DGKH: variants seen among roughly 807,000 people sequenced by gnomAD.
The protein encoded by DGKH is diacylglycerol kinase eta.
DGKH carries 90 observed loss-of-function variants against 159.3 expected under a neutral mutation model. The observed-to-expected ratio is 0.57, with a 90% CI of 0.48 to 0.67. DGKH has a LOEUF of 0.67. Among genes scored for constraint, DGKH ranks in the 30% least tolerant of loss-of-function variants. The probability of loss-of-function intolerance (pLI) is 0.00; values close to 1 mark genes in which losing one functional copy is unlikely to be tolerated. For missense variants in DGKH, 1,181 were observed against 1,506.1 expected (o/e 0.78, Z 3.57); for synonymous variants, 536 against 553.8 (o/e 0.97, Z 0.45).
intron 1 of DGKH, among the ~76,000 whole-genome samples, chr13:42,097,698 T>C (rs923713917): frequency 2.0e-5 from 3 of 152,210 alleles, no homozygotes; most frequent in Non-Finnish European, 4.4e-5. Flanking sequence ...CATTCTCTGC[T>C]GGACCCTCTC....
At chr13:42,204,687 G>A (rs913378451) in intron 20 of DGKH, among the ~76,000 whole-genome samples, 7 of 152,274 alleles carry the variant, frequency 4.6e-5, no homozygotes, top group Non-Finnish European at 8.8e-5. Flanking sequence ...AGTCCCTTAC[G>A]GGTTGGTCTT....
intron 13 of DGKH, among the ~76,000 whole-genome samples, chr13:42,182,412 C>A (rs1685040615): frequency 6.6e-6 from 1 of 152,054 alleles, no homozygotes; most frequent in Non-Finnish European, 1.5e-5. Context: ...CCCTCTCTAT[C>A]CATGGGGGAT....
intron 9 of DGKH, 55 bp downstream of exon 9, chr13:42,166,729 T>C: frequency 7.2e-7 from 1 of 1,384,348 alleles, no homozygotes; most frequent in South Asian, 2.0e-5. Context: ...AGGTGTTAAA[T>C]GTGTTTGGTT....
intron 3 of DGKH, among the ~76,000 whole-genome samples, chr13:42,132,356 A>G (rs1478463995): frequency 1.3e-5 from 2 of 152,246 alleles, no homozygotes; most frequent in African/African-American, 4.8e-5. Context: ...ACGGTGCTAT[A>G]GAACACTGAA....
Position 42,175,353 on chromosome 13 carries a change from C to G in DGKH, c.1452+1209C>G, listed in dbSNP as rs192182728. ...ATAAAATCACCTGTAGTCCTACCACCCAGAGATAATCACTATTAAAGATTA... is the reference window on the plus strand; with the variant it reads ...ATAAAATCACCTGTAGTCCTACCACGCAGAGATAATCACTATTAAAGATTA... On this transcript the variant is annotated intron_variant, in intron 12 of 29. Coordinates refer to ENST00000337343, the MANE Select transcript of DGKH (RefSeq NM_178009.5). Among the ~76,000 whole-genome samples, 6 of 152,060 alleles carry G rather than the reference C, an allele frequency of 3.9e-5. No homozygotes were observed. The East Asian group carries it at 1.2e-3, about 29-fold the overall frequency.
Position 42,135,952 on chromosome 13 carries a change from A to G in DGKH, c.384+6320A>G, listed in dbSNP as rs1955394961. On this transcript the variant is annotated intron_variant, in intron 3 of 29. Coordinates refer to ENST00000337343, the MANE Select transcript of DGKH (RefSeq NM_178009.5). Reference sequence around the variant, plus strand: ...ATTTGTTTTTATTTACCCAATTTGTAGAGGATAGGAGCTTAGACCATGAAA... The same window carrying G: ...ATTTGTTTTTATTTACCCAATTTGTGGAGGATAGGAGCTTAGACCATGAAA... 2.6e-5 allele frequency among the ~76,000 whole-genome samples: 4 copies of G among 152,186 alleles called. No homozygotes were observed. The South Asian group carries it at 8.3e-4, about 32-fold the overall frequency.
Position 42,048,777 on chromosome 13 carries a change from G to A in DGKH, c.4G>A (p.Ala2Thr). ...GTCCCCGCAGGAGTCGGAGAGGATG[G>A]CAGGGGCCGGAGGCCAGCACCACCC... M[A>T]GAGGQHHPPG... Residue 2 changes from alanine to threonine, a missense_variant, in exon 1 of 30, where the codon GCA becomes ACA. Ala to Thr is a moderately conservative substitution (Grantham distance 58). Around this residue, in one of 5 missense-constraint regions of DGKH, gnomAD observed 136 missense variants for 132.2 expected, o/e 1.03. Coordinates refer to ENST00000337343, the MANE Select transcript of DGKH (RefSeq NM_178009.5). The surrounding 1 kb of genome is among the most constrained non-coding windows in gnomAD (Gnocchi z 6.7). 7.7e-7 allele frequency: 1 copy of A among 1,299,370 alleles called. No homozygotes were observed. The highest frequency in any genetic ancestry group is 2.4e-5 in the South Asian group (1 of 40,860). The allele number at this position is 1,299,370 out of a possible 1,614,324, so 80.5% of individuals were successfully genotyped here. A position where few individuals can be genotyped will look rare whatever the true frequency, so the allele number is the denominator to read the frequency against.
chr13:42,155,423 G>A (rs370908868), intron 4 of DGKH, 28 bp downstream of exon 4: 62 of 1,592,742 alleles, frequency 3.9e-5, no homozygotes, highest in African/African-American at 1.1e-4. Context: ...CTTTCATCTC[G>A]TGTTCTTAGG....
chr13:42,155,929 G>GA, intron 5 of DGKH, 130 bp downstream of exon 5: 1 of 1,065,934 alleles, frequency 9.4e-7, no homozygotes, highest in Admixed American at 3.1e-5. Context: ...TTTTTGCTCA[G>GA]GAAAAAAAAA....
intron 3 of DGKH, among the ~76,000 whole-genome samples, chr13:42,133,026 T>G (rs1955321869): frequency 6.6e-6 from 1 of 151,868 alleles, no homozygotes; most frequent in African/African-American, 2.4e-5. Context: ...AAAAAATTAG[T>G]CAGGCATGGT....
At position 42,168,438 on chromosome 13, in the gene DGKH, A is replaced by C. The variant is rs1175404779; in HGVS notation, c.1119-2A>C. 6.2e-7 allele frequency: 1 copy of C among 1,608,134 alleles called. No homozygotes were observed. The highest frequency in any genetic ancestry group is 1.3e-5 in the African/African-American group (1 of 74,366). The stretch of plus-strand genomic sequence containing the variant: ...CTAAAATAAAATCCTTTTTGCTTTC[A>C]GTTTAAGATTATTTCAGAAGTTTGA... On this transcript the variant is annotated splice_acceptor_variant, in intron 9 of 29. Transcript: ENST00000337343. LOFTEE classifies it high-confidence loss of function.
intron 3 of DGKH, among the ~76,000 whole-genome samples, chr13:42,149,376 A>G (rs1028341792): frequency 6.6e-6 from 1 of 152,178 alleles, no homozygotes; most frequent in African/African-American, 2.4e-5. Context: ...GGGTCTTGTA[A>G]GCCATGCCAA....
intron 3 of DGKH, among the ~76,000 whole-genome samples, chr13:42,142,571 T>C (rs965020121): frequency 6.6e-5 from 10 of 151,944 alleles, no homozygotes; most frequent in African/African-American, 1.9e-4. Flanking sequence ...TTTTATTTCA[T>C]TGAGCAGTGG....
At chr13:42,139,811 G>T (rs1955495605) in intron 3 of DGKH, among the ~76,000 whole-genome samples, 1 of 152,100 alleles carries the variant, frequency 6.6e-6, no homozygotes, top group Admixed American at 6.6e-5. Flanking sequence ...AAAAGTTTTT[G>T]CTTGAATTTA....
At chr13:42,195,051 G>A (rs376825692) in intron 17 of DGKH, 35 bp downstream of exon 17, 12 of 1,601,618 alleles carry the variant, frequency 7.5e-6, no homozygotes, top group African/African-American at 1.3e-5. Context: ...GTATTTTTCA[G>A]TATTTCTGTG....
chr13:42,252,399 A>AT (rs919560105), intron 29 of DGKH: 5 of 152,008 alleles, frequency 3.3e-5, no homozygotes, highest in Non-Finnish European at 7.4e-5. Context: ...ATTTTATTCT[A>AT]TTTTTTTAGA....
At chr13:42,073,696 A>T (rs1235420472) in intron 1 of DGKH, among the ~76,000 whole-genome samples, 1 of 152,236 alleles carries the variant, frequency 6.6e-6, no homozygotes, top group African/African-American at 2.4e-5. Flanking sequence ...TGGGTTTAAG[A>T]GGATGTAATG....
intron 1 of DGKH, among the ~76,000 whole-genome samples, chr13:42,099,415 A>C (rs570087398): frequency 1.8e-4 from 27 of 152,044 alleles, no homozygotes; most frequent in Non-Finnish European, 3.5e-4. Flanking sequence ...AAATTTCCGG[A>C]AAAATGTGGG....
intron 1 of DGKH, among the ~76,000 whole-genome samples, chr13:42,088,043 G>A (rs1954341760): frequency 6.6e-6 from 1 of 152,126 alleles, no homozygotes; most frequent in Admixed American, 6.6e-5. Flanking sequence ...CAGATTTTAT[G>A]TAGAACAAAG....
Sources: allele counts gnomAD v4.1 joint callset (sites outside exome capture counted in the v4.1 genomes callset), GRCh38; gene constraint gnomAD v4.1.1; regional missense constraint gnomAD v4.1.1; non-coding constraint Gnocchi (gnomAD v3.1); transcripts MANE v1.5; gene names NCBI Gene and HGNC (gene_info 2026-07-23, HGNC 2026-07-21).